The following MINK1 variants were observed in gnomAD, a reference collection of about 807,000 sequenced individuals.
MINK1 encodes the protein misshapen-like kinase 1.
A neutral mutation model predicts 178.4 loss-of-function variants in MINK1; 46 were observed. The ratio of observed to expected loss-of-function variants is 0.26; its 90% CI spans 0.20 to 0.33. MINK1 has a LOEUF of 0.33. Among genes scored for constraint, MINK1 ranks in the 10% least tolerant of loss-of-function variants. The pLI is 1.00. For missense variants in MINK1, 1,366 were observed against 1,814.9 expected (o/e 0.75, Z 4.49); for synonymous variants, 797 against 709.7 (o/e 1.12, Z -1.96).
chr17:4,881,288 C>A, intron 4 of MINK1, 31 bp downstream of exon 4: 1 of 1,533,496 alleles, frequency 6.5e-7, no homozygotes, highest in Non-Finnish European at 8.7e-7. Flanking sequence ...CGCCTTCCCT[C>A]CCCGCAATCC....
intron 1 of MINK1, among the ~76,000 whole-genome samples, chr17:4,846,980 G>GAGTCCAAAGTGT (rs1214478477): frequency 6.6e-6 from 1 of 152,222 alleles, no homozygotes; most frequent in Non-Finnish European, 1.5e-5. Flanking sequence ...GGTCAGTGTG[G>GAGTCCAAAGTGT]AGTCCAAAGT....
At chr17:4,851,140 TAAATCA>T in intron 1 of MINK1, 1 of 402,366 alleles carries the variant, frequency 2.5e-6, no homozygotes, top group East Asian at 8.7e-5. Flanking sequence ...ACAGTTTTGG[TAAATCA>T]CTTTTTGCCA....
At chr17:4,884,844 C>A in intron 5 of MINK1, 68 bp from the exon 6 acceptor site, 1 of 1,383,790 alleles carries the variant, frequency 7.2e-7, no homozygotes, top group Non-Finnish European at 1.0e-6. Flanking sequence ...CCCCTCAACT[C>A]ACTCCCCACT....
At chr17:4,860,671 C>T (rs993193296) in intron 1 of MINK1, 6 of 516,346 alleles carry the variant, frequency 1.2e-5, no homozygotes, top group Non-Finnish European at 2.3e-5. Context: ...TGGGAGGAGT[C>T]CAGGGAGTCC....
chr17:4,854,325 A>C (rs1597413121), intron 1 of MINK1, among the ~76,000 whole-genome samples: 1 of 151,442 alleles, frequency 6.6e-6, no homozygotes. Context: ...ATCTGTGAAG[A>C]CCTCCAGGCT....
intron 31 of MINK1, 23 bp from the exon 32 acceptor site, chr17:4,897,181 A>C (rs756136764): frequency 6.2e-7 from 1 of 1,607,506 alleles, no homozygotes; most frequent in Non-Finnish European, 8.5e-7. Context: ...GCCCTTGGTG[A>C]CTTCTTCTCC....
At chr17:4,892,356 A>G (rs1240267535) in intron 17 of MINK1, 46 bp from the exon 18 acceptor site, 17 of 1,455,302 alleles carry the variant, frequency 1.2e-5, no homozygotes, top group Non-Finnish European at 1.6e-5. Context: ...CCATCACCTC[A>G]GCGCCCCCCC....
chr17:4,861,171 G>A (rs1459167631), intron 1 of MINK1, among the ~76,000 whole-genome samples: 1 of 152,164 alleles, frequency 6.6e-6, no homozygotes, highest in African/African-American at 2.4e-5. Flanking sequence ...GCAAACCACA[G>A]GCAGCTCCCT....
chr17:4,893,811 G>A (rs1646755466), intron 21 of MINK1, 177 bp from the exon 22 acceptor site: 2 of 868,530 alleles, frequency 2.3e-6, no homozygotes, highest in Admixed American at 3.1e-5. Context: ...GTGCCAGCCT[G>A]CCCTGTGTGC....
Position 4,833,549 on chromosome 17 carries a change from T to A in MINK1, c.-35T>A. On this transcript the variant is annotated 5_prime_UTR_variant, in exon 1 of 32. The change abolishes the stop of an existing upstream ORF in the 5' untranslated region. Transcript: ENST00000355280. This position sits in a 1 kb window ranked among gnomAD's most constrained non-coding sequence, Gnocchi z 4.8. The stretch of plus-strand genomic sequence containing the variant: ...GCAGTGGAGTAACCGAGCCGGAGCG[T>A]GAGCGGCCCCGGTGCCCCGTTCCCC... 6.8e-7 allele frequency: 1 copy of A among 1,480,772 alleles called. No homozygotes were observed. Among genetic ancestry groups the A allele is most frequent in the Non-Finnish European group, 9.0e-7 (1 of 1,116,222 alleles). The allele number at this position is 1,480,772 out of a possible 1,614,324, so 91.7% of individuals were successfully genotyped here. A position where few individuals can be genotyped will look rare whatever the true frequency, so the allele number is the denominator to read the frequency against.
In MINK1 at chr17:4,896,572, G is replaced by A. The variant is rs1969507471; in HGVS notation, c.3759G>A (p.Glu1253=). ...AGGATGTGGTGCTGCAGTGGGGGGA[G>A]ATGCCTACTTCTGTGGGTGAGTGAG... The part of the protein sequence containing the change: ...IIKDVVLQWG[E]MPTSVAYICS... The change falls in exon 30 of 32, where the codon GAG becomes GAA. Residue 1253 remains glutamate, a synonymous_variant. Coordinates refer to ENST00000355280, the MANE Select transcript of MINK1 (RefSeq NM_153827.5). This position sits in a 1 kb window ranked among gnomAD's most constrained non-coding sequence, Gnocchi z 4.6. 1.2e-6 allele frequency: 2 copies of A among 1,613,906 alleles called. No individual in the cohort carries two copies. The highest frequency in any genetic ancestry group is 1.3e-5 in the African/African-American group (1 of 75,028).
At chr17:4,866,424 G>T (rs985612950) in intron 1 of MINK1, among the ~76,000 whole-genome samples, 1 of 151,452 alleles carries the variant, frequency 6.6e-6, no homozygotes, top group African/African-American at 2.4e-5. Context: ...CCGAGATCGC[G>T]CCACTGAACT....
chr17:4,859,441 T>A, intron 1 of MINK1: 1 of 508,472 alleles, frequency 2.0e-6, no homozygotes, highest in Non-Finnish European at 2.5e-6. Context: ...TCTCTCTGTG[T>A]TGGTGTCTGA....
chr17:4,897,935 C>G lies in MINK1; in HGVS notation c.*648C>G, dbSNP rs1056906243. On this transcript the variant is annotated 3_prime_UTR_variant, in exon 32 of 32. Coordinates refer to ENST00000355280, the MANE Select transcript of MINK1 (RefSeq NM_153827.5). ...AGCAGGGAGCCCTCACTCTCCACGCCCCTTGCTTGCATCTGTATATAGTGT... is the reference window on the plus strand; with the variant it reads ...AGCAGGGAGCCCTCACTCTCCACGCGCCTTGCTTGCATCTGTATATAGTGT... The G allele has an allele frequency of 6.6e-6, 1 of 152,220 alleles. No individual in the cohort carries two copies. The highest frequency in any genetic ancestry group is 1.5e-5 in the Non-Finnish European group (1 of 68,324). 9.4% of individuals were successfully genotyped at this position (152,220 alleles called of 1,614,324 possible). A position where few individuals can be genotyped will look rare whatever the true frequency, so the allele number is the denominator to read the frequency against.
rs776244090 is a variant in MINK1 at position 4,892,810 on chromosome 17, G to C, written c.2311+42G>C. 4 of 1,540,068 alleles carry C rather than the reference G, an allele frequency of 2.6e-6. No homozygotes were observed. The African/African-American group carries it at 4.1e-5, about 16-fold the overall frequency. ...TGGGCAGCCTGCTCTGGGCCTGGGG[G>C]CTTATCACCATGGACCCTGCCTTTG... On this transcript the variant is annotated intron_variant, in intron 19 of 31. Coordinates refer to ENST00000355280, the MANE Select transcript of MINK1 (RefSeq NM_153827.5).
At chr17:4,893,110 TG>T in intron 20 of MINK1, 43 bp downstream of exon 20, 1 of 1,545,074 alleles carries the variant, frequency 6.5e-7, no homozygotes. Flanking sequence ...CATCCTGGTT[TG>T]GGGCTTAGCC....
rs191369962 is a variant in MINK1, at chr17:4,857,264, G to A, written c.58-21053G>A. ...ACATGACAGACATGGCCATGATGCCGGTGCCATTCTTGGCCATGCCACAGG... is the reference window on the plus strand; with the variant it reads ...ACATGACAGACATGGCCATGATGCCAGTGCCATTCTTGGCCATGCCACAGG... On this transcript the variant is annotated intron_variant, in intron 1 of 31. Coordinates refer to ENST00000355280, the MANE Select transcript of MINK1 (RefSeq NM_153827.5). 253 of 216,882 alleles carry A rather than the reference G, an allele frequency of 1.2e-3. 10 individuals are homozygous for A. Among genetic ancestry groups the A allele is most frequent in the South Asian group, 0.011 (179 of 17,006 alleles). The allele number at this position is 216,882 out of a possible 1,614,324, so 13.4% of individuals were successfully genotyped here. A position where few individuals can be genotyped will look rare whatever the true frequency, so the allele number is the denominator to read the frequency against.
At chr17:4,891,223 C>T in intron 15 of MINK1, 99 bp downstream of exon 15, 4 of 1,163,664 alleles carry the variant, frequency 3.4e-6, no homozygotes, top group Non-Finnish European at 4.8e-6. Flanking sequence ...CACACACACA[C>T]ACCTGCTCAG....
chr17:4,896,372 G>T lies in MINK1; in HGVS notation c.3615+30G>T. ...GCTTGGCGGGGCTGCTGGGGGAGTG[G>T]GATGGCCCAGTCTGGGCACCAGACA... On this transcript the variant is annotated intron_variant, in intron 29 of 31. Transcript: ENST00000355280. The surrounding 1 kb of genome is among the most constrained non-coding windows in gnomAD (Gnocchi z 4.6). The T allele has an allele frequency of 6.2e-7, 1 of 1,605,004 alleles. No homozygotes were observed. The highest frequency in any genetic ancestry group is 8.5e-7 in the Non-Finnish European group (1 of 1,174,614).
Sources: gnomAD v4.1 joint callset for allele counts (sites outside exome capture counted in the v4.1 genomes callset) on GRCh38, gnomAD v4.1.1 for gene constraint, Gnocchi (gnomAD v3.1) non-coding constraint, MANE v1.5 for transcripts, NCBI Gene and HGNC (gene_info 2026-07-23, HGNC 2026-07-21) for gene names.